The following SGSM1 variants were observed in gnomAD, a reference collection of about 807,000 sequenced individuals.
SGSM1 encodes small G protein signaling modulator 1.
Under a neutral mutation model 133.8 loss-of-function variants are expected in SGSM1, and 73 were observed. The observed-to-expected ratio is 0.55, with a 90% confidence interval of 0.45 to 0.66. The LOEUF (loss-of-function observed/expected upper bound fraction) is 0.66. SGSM1 is among the 30% of genes least tolerant of loss of function. The pLI is 0.00. For synonymous variants in SGSM1, 563 were observed against 573.0 expected (o/e 0.98, Z 0.25); for missense variants, 1,213 against 1,448.1 (o/e 0.84, Z 2.64).
intron 2 of SGSM1, among the ~76,000 whole-genome samples, chr22:24,809,300 G>A (rs1325818570): frequency 6.6e-6 from 1 of 152,174 alleles, no homozygotes; most frequent in East Asian, 1.9e-4. Flanking sequence ...CACTCTCTGG[G>A]TTCAAAGGAG....
intron 20 of SGSM1, among the ~76,000 whole-genome samples, 162 bp from the exon 21 acceptor site, chr22:24,904,943 A>G (rs965821461): frequency 6.6e-6 from 1 of 152,096 alleles, no homozygotes; most frequent in Admixed American, 6.5e-5. Flanking sequence ...GTGGCTGCAC[A>G]TAGGATGTTT....
chr22:24,824,752 C>T lies in SGSM1; in HGVS notation c.63+18268C>T, dbSNP rs148006170. On this transcript the variant is annotated intron_variant, in intron 2 of 24. Transcript: ENST00000400358. ...TTCTTCAGATCTTGAGCCATCACCA[C>T]CTTCAGGAAGCCCTCCCTGACCTTC... Among the ~76,000 whole-genome samples the T allele has an allele frequency of 1.3e-3, 196 of 152,292 alleles. 1 individual carries two copies. Among genetic ancestry groups the T allele is most frequent in the Middle Eastern group, 6.8e-3 (2 of 294 alleles).
intron 4 of SGSM1, among the ~76,000 whole-genome samples, chr22:24,849,529 GCAA>G (rs1930335011): frequency 2.0e-5 from 3 of 152,224 alleles, no homozygotes; most frequent in African/African-American, 7.2e-5. Flanking sequence ...TCCAGCCTGG[GCAA>G]CAAGAGTGAA....
intron 3 of SGSM1, 149 bp from the exon 4 acceptor site, chr22:24,847,485 G>T: frequency 1.0e-6 from 1 of 974,790 alleles, no homozygotes; most frequent in Admixed American, 2.9e-5. Context: ...ACCTATACAA[G>T]TGTGAGCTCC....
At chr22:24,851,885 C>T (rs1170433583) in intron 5 of SGSM1, among the ~76,000 whole-genome samples, 1 of 152,180 alleles carries the variant, frequency 6.6e-6, no homozygotes, top group Middle Eastern at 3.2e-3. Context: ...TGCAAGAAAT[C>T]CAAGCTCTGG....
chr22:24,889,522 G>T (rs1047075089), intron 16 of SGSM1, among the ~76,000 whole-genome samples: 6 of 150,874 alleles, frequency 4.0e-5, no homozygotes, highest in African/African-American at 1.5e-4. Flanking sequence ...CAATTACCCT[G>T]CCTGGGCCTC....
rs1051590122 is a variant in SGSM1, at chr22:24,884,302, G to A, written c.1641+104G>A. On this transcript the variant is annotated intron_variant, in intron 15 of 24. Transcript: ENST00000400358. ...CATGCTTGTGGGGACTTGAGCTGAC[G>A]TGCTTGGATTCTGCATATGCAAATT... 18 of 1,429,212 alleles carry A rather than the reference G, an allele frequency of 1.3e-5. No individual in the cohort carries two copies. In the Admixed American group the frequency reaches 2.0e-4, roughly 16 times the overall value. The allele number at this position is 1,429,212 out of a possible 1,614,324, so 88.5% of individuals were successfully genotyped here.
intron 21 of SGSM1, among the ~76,000 whole-genome samples, chr22:24,908,235 C>G (rs1933477946): frequency 6.6e-6 from 1 of 152,054 alleles, no homozygotes; most frequent in Non-Finnish European, 1.5e-5. Context: ...GGATCATAGA[C>G]CTAAATGTAA....
intron 12 of SGSM1, among the ~76,000 whole-genome samples, chr22:24,871,311 T>C (rs749409571): frequency 1.3e-5 from 2 of 152,124 alleles, no homozygotes; most frequent in Non-Finnish European, 2.9e-5. Flanking sequence ...AAGTGACCTG[T>C]CCTCCGCAGG....
intron 16 of SGSM1, 66 bp from the exon 17 acceptor site, chr22:24,893,365 T>C: frequency 6.4e-7 from 1 of 1,556,738 alleles, no homozygotes; most frequent in Admixed American, 1.8e-5. Context: ...CTCTTCCACG[T>C]TGGTCTGGCC....
At chr22:24,858,609 C>T (rs1380735436) in intron 8 of SGSM1, among the ~76,000 whole-genome samples, 1 of 143,598 alleles carries the variant, frequency 7.0e-6, no homozygotes, top group African/African-American at 2.6e-5. Flanking sequence ...GTCCTCCAGC[C>T]TTGGCAACAG....
At chr22:24,826,080 G>T (rs560170815) in intron 2 of SGSM1, among the ~76,000 whole-genome samples, 2 of 152,296 alleles carry the variant, frequency 1.3e-5, no homozygotes, top group Non-Finnish European at 1.5e-5. Context: ...ACTTTTTAAG[G>T]GTTGTAAAAG....
chr22:24,874,504 G>T (rs377645874), intron 12 of SGSM1: 1 of 1,613,216 alleles, frequency 6.2e-7, no homozygotes, highest in Admixed American at 1.7e-5. Context: ...GCTGGTGGTG[G>T]CCAGAGGGAG....
intron 2 of SGSM1, among the ~76,000 whole-genome samples, chr22:24,808,819 A>G (rs536178810): frequency 2.6e-5 from 4 of 152,128 alleles, no homozygotes; most frequent in Non-Finnish European, 5.9e-5. Flanking sequence ...GGGCTCAAAG[A>G]GGGGGAATAA....
rs1376360487 is a variant in SGSM1, at chr22:24,847,765, G to A, written c.271G>A (p.Val91Met). Residue 91 changes from valine (V) to methionine (M), a missense_variant, in exon 4 of 25, where the codon GTG becomes ATG. Val to Met is a conservative substitution (Grantham distance 21). Coordinates refer to ENST00000400358, the MANE Select transcript of SGSM1 (RefSeq NM_001098497.3). ...FPPAEDLSRK[V>M]QDLEQLIESA... Reference sequence around the variant, plus strand: ...GCCGGCTGAGGATCTGAGCCGCAAGGTGCAAGACCTGGAGCAGCTGATCGA... The same window carrying A: ...GCCGGCTGAGGATCTGAGCCGCAAGATGCAAGACCTGGAGCAGCTGATCGA... 8 of 1,613,824 alleles carry A rather than the reference G, an allele frequency of 5.0e-6. No individual in the cohort carries two copies. Among genetic ancestry groups the A allele is most frequent in the Non-Finnish European group, 6.8e-6 (8 of 1,179,890 alleles).
intron 12 of SGSM1, among the ~76,000 whole-genome samples, chr22:24,875,296 G>C (rs1020485254): frequency 5.9e-5 from 9 of 152,188 alleles, no homozygotes; most frequent in African/African-American, 2.2e-4. Context: ...ATCCAAAAAA[G>C]CCAAAAGGAG....
rs765330578 is a variant in SGSM1, at chr22:24,867,093, C to T, written c.927C>T (p.Ser309=). ...GSVGDLDYEK[S]VYWDYAMTIR... is the part of the protein sequence containing the mutation. The stretch of plus-strand genomic sequence containing the variant: ...AGCCTGACCCTCCGTCCGCTTCCAG[C>T]GTCTACTGGGACTATGCCATGACCA... The change falls in exon 10 of 25, where the codon AGC becomes AGT. Residue 309 remains serine (S), a splice_region_variant and synonymous_variant. Transcript: ENST00000400358. 52 of 1,613,368 alleles carry T rather than the reference C, an allele frequency of 3.2e-5. No homozygotes were observed. The highest frequency in any genetic ancestry group is 8.0e-5 in the African/African-American group (6 of 74,894).
intron 22 of SGSM1, among the ~76,000 whole-genome samples, chr22:24,916,333 T>G (rs934769322): frequency 6.6e-6 from 1 of 152,144 alleles, no homozygotes; most frequent in Non-Finnish European, 1.5e-5. Flanking sequence ...GTGACTGGCT[T>G]CTTTTACCTA....
intron 22 of SGSM1, among the ~76,000 whole-genome samples, chr22:24,916,022 G>T (rs1336662179): frequency 6.9e-6 from 1 of 144,286 alleles, no homozygotes; most frequent in African/African-American, 2.6e-5. Flanking sequence ...CCAATAGCTG[G>T]AGGTATTCGT....
Sources: gnomAD v4.1 joint callset for allele counts (sites outside exome capture counted in the v4.1 genomes callset) on GRCh38, gnomAD v4.1.1 for gene constraint, MANE v1.5 for transcripts, NCBI Gene and HGNC (gene_info 2026-07-23, HGNC 2026-07-21) for gene names.